The following PRDM16 variants were observed in gnomAD, a reference collection of about 807,000 sequenced individuals.
The protein encoded by PRDM16 is PR/SET domain 16.
A neutral mutation model predicts 110.6 loss-of-function variants in PRDM16; 23 were observed. That is an observed-to-expected ratio of 0.21 (90% CI 0.15 to 0.29). The LOEUF (loss-of-function observed/expected upper bound fraction) is 0.29, where lower values mean the gene tolerates loss of function less well. Ranked by LOEUF, PRDM16 falls within the 10% of genes least tolerant of loss-of-function variation. PRDM16 has a pLI of 1.00. For synonymous variants in PRDM16, 799 were observed against 781.8 expected (o/e 1.02, Z -0.37); for missense variants, 1,615 against 1,794.3 (o/e 0.90, Z 1.81).
chr1:3,399,390 A>AT (rs1643432235), intron 5 of PRDM16, among the ~76,000 whole-genome samples: 1 of 152,206 alleles, frequency 6.6e-6, no homozygotes, highest in African/African-American at 2.4e-5. Flanking sequence ...TGAAAATGCC[A>AT]TAAACTATGC....
At chr1:3,419,295 G>A (rs117111933) in intron 12 of PRDM16, among the ~76,000 whole-genome samples, 2,274 of 152,318 alleles carry the variant, frequency 0.015, 30 homozygotes, top group South Asian at 0.062. Flanking sequence ...GAAGCGGTGC[G>A]TCTGCTTCCA....
At chr1:3,132,303 C>T (rs928161140) in intron 1 of PRDM16, among the ~76,000 whole-genome samples, 1 of 152,176 alleles carries the variant, frequency 6.6e-6, no homozygotes, top group Non-Finnish European at 1.5e-5. Context: ...CCCTGCCCAA[C>T]TGATTCTGTG....
chr1:3,069,371 G>A lies in PRDM16; in HGVS notation c.37+75G>A. The A allele has an allele frequency of 3.7e-6, 2 of 536,826 alleles. No homozygotes were observed. Among genetic ancestry groups the A allele is most frequent in the Non-Finnish European group, 4.7e-6 (2 of 424,748 alleles). The allele number at this position is 536,826 out of a possible 1,614,324, so 33.3% of individuals were successfully genotyped here. On this transcript the variant is annotated intron_variant, in intron 1 of 16. Coordinates refer to ENST00000270722, the MANE Select transcript of PRDM16 (RefSeq NM_022114.4). This position sits in a 1 kb window ranked among gnomAD's most constrained non-coding sequence, Gnocchi z 6.1. ...GGGCCGGGGCGCCCGGGCCAGGGGT[G>A]CGCGTCGGGGCGCGGCCGGCGCGCC... is the stretch of plus-strand genomic sequence containing the variant.
At chr1:3,094,206 G>A (rs1367753626) in intron 1 of PRDM16, among the ~76,000 whole-genome samples, 4 of 152,340 alleles carry the variant, frequency 2.6e-5, no homozygotes, top group Admixed American at 6.5e-5. Flanking sequence ...GCCTGGAGCC[G>A]CGGAGGAGAC....
chr1:3,229,845 G>C (rs927912736), intron 2 of PRDM16, among the ~76,000 whole-genome samples: 1 of 152,216 alleles, frequency 6.6e-6, no homozygotes, highest in Non-Finnish European at 1.5e-5. Context: ...TCTCAGACAC[G>C]GGCGGGAGGG....
chr1:3,353,348 G>A lies in PRDM16; in HGVS notation c.439-31804G>A, dbSNP rs1363935641. Among the ~76,000 whole-genome samples, 1 of 152,346 alleles carries A rather than the reference G, an allele frequency of 6.6e-6. No individual in the cohort carries two copies. Among genetic ancestry groups the A allele is most frequent in the South Asian group, 2.1e-4 (1 of 4,830 alleles). On this transcript the variant is annotated intron_variant, in intron 3 of 16. Transcript: ENST00000270722. The surrounding 1 kb of genome is among the most constrained non-coding windows in gnomAD (Gnocchi z 5.4). ...GGCTCGGCCTGGGGGCTATGGCAGG[G>A]CCCTCATTGGGTGAGGGAGGCCCGG...
At chr1:3,100,920 C>G (rs922933938) in intron 1 of PRDM16, among the ~76,000 whole-genome samples, 2 of 146,676 alleles carry the variant, frequency 1.4e-5, no homozygotes, top group African/African-American at 5.1e-5. Context: ...TTCAAGGTGA[C>G]GGGTGGCACT....
At chr1:3,266,280 G>A (rs1056348271) in intron 3 of PRDM16, among the ~76,000 whole-genome samples, 19 of 152,318 alleles carry the variant, frequency 1.2e-4, no homozygotes, top group African/African-American at 3.6e-4. Flanking sequence ...CGGATCGGGC[G>A]GGCCTGCCTG....
chr1:3,361,296 A>G (rs1264743620), intron 3 of PRDM16, among the ~76,000 whole-genome samples: 2 of 152,156 alleles, frequency 1.3e-5, no homozygotes, highest in East Asian at 1.9e-4. Flanking sequence ...ACAGGGCTGG[A>G]GACGGGGTCT....
At chr1:3,334,874 C>G (rs959261192) in intron 3 of PRDM16, among the ~76,000 whole-genome samples, 4 of 152,388 alleles carry the variant, frequency 2.6e-5, no homozygotes, top group Non-Finnish European at 5.9e-5. Flanking sequence ...GATGAGGAAA[C>G]AAGGCCCCTG....
intron 3 of PRDM16, among the ~76,000 whole-genome samples, chr1:3,365,899 T>A (rs760375883): frequency 1.3e-5 from 2 of 151,348 alleles, no homozygotes; most frequent in Non-Finnish European, 2.9e-5. Flanking sequence ...GGGATGCACG[T>A]GCACACACAT....
rs926499175 is a variant in PRDM16 at position 3,370,933 on chromosome 1, T to C, written c.439-14219T>C. 6.7e-6 allele frequency among the ~76,000 whole-genome samples: 1 copy of C among 149,256 alleles called. No individual in the cohort carries two copies. The highest frequency in any genetic ancestry group is 1.5e-5 in the Non-Finnish European group (1 of 67,378). ...ATCCATCCATGCATCCACTGAATAATCCACCCATTCATCCATTCACCATCC... is the reference window on the plus strand; with the variant it reads ...ATCCATCCATGCATCCACTGAATAACCCACCCATTCATCCATTCACCATCC... On this transcript the variant is annotated intron_variant, in intron 3 of 16. Coordinates refer to ENST00000270722, the MANE Select transcript of PRDM16 (RefSeq NM_022114.4). This position sits in a 1 kb window ranked among gnomAD's most constrained non-coding sequence, Gnocchi z 4.8.
At chr1:3,199,191 C>T (rs1638556741) in intron 2 of PRDM16, among the ~76,000 whole-genome samples, 3 of 152,154 alleles carry the variant, frequency 2.0e-5, no homozygotes, top group Non-Finnish European at 1.5e-5. Flanking sequence ...CCTCTGGATC[C>T]TCGGGGACAG....
At chr1:3,341,992 C>G (rs1341126892) in intron 3 of PRDM16, among the ~76,000 whole-genome samples, 1 of 152,208 alleles carries the variant, frequency 6.6e-6, no homozygotes, top group African/African-American at 2.4e-5. Flanking sequence ...AAGCACCTGT[C>G]CTTTTTAAAT....
chr1:3,071,774 T>C (rs1405825758), intron 1 of PRDM16, among the ~76,000 whole-genome samples: 2 of 151,906 alleles, frequency 1.3e-5, no homozygotes, highest in African/African-American at 4.8e-5. Flanking sequence ...GGTTACCAGG[T>C]TGGTATTCAG....
chr1:3,086,944 A>G (rs143954186), intron 1 of PRDM16, among the ~76,000 whole-genome samples: 159 of 152,268 alleles, frequency 1.0e-3, no homozygotes, highest in Non-Finnish European at 6.0e-4. Context: ...CTCACCTCCA[A>G]TGAAAGTTAG....
At chr1:3,335,159 G>A (rs1180139696) in intron 3 of PRDM16, among the ~76,000 whole-genome samples, 1 of 152,218 alleles carries the variant, frequency 6.6e-6, no homozygotes, top group East Asian at 1.9e-4. Flanking sequence ...CCCAGCGTGC[G>A]AATTCCAGCT....
At position 3,108,776 on chromosome 1, in the gene PRDM16, G is replaced by GAGC. The variant is rs1362326181; in HGVS notation, c.37+39483_37+39485dup. ...CTGTCCTGCCAGGAGGGGTCCATTT[G>GAGC]AGCAGGACCTTCAGAGGCAGTGCCC... is the stretch of plus-strand genomic sequence containing the variant. On this transcript the variant is annotated intron_variant, in intron 1 of 16. Coordinates refer to ENST00000270722, the MANE Select transcript of PRDM16 (RefSeq NM_022114.4). 7.2e-5 allele frequency among the ~76,000 whole-genome samples: 11 copies of GAGC among 152,252 alleles called. No homozygotes were observed. In the South Asian group the frequency reaches 8.3e-4, roughly 12 times the overall value.
intron 3 of PRDM16, among the ~76,000 whole-genome samples, chr1:3,315,017 A>G (rs557252216): frequency 3.3e-5 from 5 of 152,006 alleles, no homozygotes; most frequent in Non-Finnish European, 5.9e-5. Context: ...CGCTCTGAAC[A>G]AAGCCCCACC....
Sources: allele counts gnomAD v4.1 joint callset (sites outside exome capture counted in the v4.1 genomes callset), GRCh38; gene constraint gnomAD v4.1.1; non-coding constraint Gnocchi (gnomAD v3.1); transcripts MANE v1.5; gene names NCBI Gene and HGNC (gene_info 2026-07-23, HGNC 2026-07-21).